The following COL5A3 variants were observed in gnomAD, a reference collection of about 807,000 sequenced individuals.
COL5A3 encodes collagen alpha-3(V) chain.
In COL5A3, 172 loss-of-function variants were observed where a neutral mutation model predicts 250.0. The observed-to-expected ratio is 0.69, with a 90% CI of 0.61 to 0.78. The LOEUF is 0.78. Among genes scored for constraint, COL5A3 ranks in the 30% least tolerant of loss-of-function variants. COL5A3 has a pLI of 0.00. For missense variants in COL5A3, 2,340 were observed against 2,334.4 expected (o/e 1.00, Z -0.05); for synonymous variants, 937 against 900.4 (o/e 1.04, Z -0.73).
At position 9,969,632 on chromosome 19, in the gene COL5A3, AG is replaced by A. The variant is rs2086800639; in HGVS notation, c.4040del (p.Ala1347ValfsTer46). On this transcript the variant is annotated frameshift_variant, in exon 56 of 67. Transcript: ENST00000264828. LOFTEE classifies it high-confidence loss of function. ...GCCCCACACGTCCAGGGGGCCCTCTAGCCCCCATTGGACCCGTCCTCCCTGG... is the reference window on the plus strand; with the variant it reads ...GCCCCACACGTCCAGGGGGCCCTCTACCCCCATTGGACCCGTCCTCCCTGG... The part of the protein sequence containing the change: ...GPPGRTGPMG[A>X]RGPPGRVGPE... 1 of 1,595,040 alleles carries A rather than the reference AG, an allele frequency of 6.3e-7. No individual in the cohort carries two copies. The highest frequency in any genetic ancestry group is 8.5e-7 in the Non-Finnish European group (1 of 1,175,290).
intron 45 of COL5A3, among the ~76,000 whole-genome samples, chr19:9,976,269 G>C (rs1485498441): frequency 5.3e-5 from 8 of 151,694 alleles, no homozygotes; most frequent in Admixed American, 4.6e-4. Flanking sequence ...CCGAATTTGG[G>C]ATTGGGTTCA....
intron 11 of COL5A3, 198 bp downstream of exon 11, chr19:9,997,173 C>T (rs1267699450): frequency 6.6e-6 from 4 of 607,952 alleles, no homozygotes; most frequent in African/African-American, 3.7e-5. Context: ...AGAAGAAAAG[C>T]AAAGAGTAGG....
chr19:9,981,699 A>G (rs542894792), intron 32 of COL5A3, among the ~76,000 whole-genome samples: 5 of 152,226 alleles, frequency 3.3e-5, no homozygotes, highest in Non-Finnish European at 7.3e-5. Context: ...ATGTGTATAC[A>G]CATGTCCTTT....
Position 9,992,899 on chromosome 19 carries a change from A to G in COL5A3, c.1795-19T>C. 1.2e-6 allele frequency: 2 copies of G among 1,613,520 alleles called. No individual in the cohort carries two copies. ...GTGGACCCTGCAAGGGAGCAGGCGA[A>G]TTATTTCCACATCACCTCTGTGTGG... On this transcript the variant is annotated intron_variant, in intron 20 of 66. Coordinates refer to ENST00000264828, the MANE Select transcript of COL5A3 (RefSeq NM_015719.4).
At chr19:10,001,409 A>AAAG in intron 8 of COL5A3, 115 bp downstream of exon 8, 1 of 1,063,822 alleles carries the variant, frequency 9.4e-7, no homozygotes, top group East Asian at 2.6e-5. Context: ...GGTCTCCCAA[A>AAAG]GTGTTCGGAT....
chr19:9,982,201 G>T, intron 31 of COL5A3, 83 bp from the exon 32 acceptor site: 1 of 894,502 alleles, frequency 1.1e-6, no homozygotes, highest in Non-Finnish European at 1.7e-6. Context: ...ATCCTTTGAG[G>T]CATTTCCAGG....
Position 9,970,394 on chromosome 19 carries a change from AGTGGGGTCTGTGGGGTGAGTG to A in COL5A3, c.3936+207_3936+227del, listed in dbSNP as rs2086822048. The stretch of plus-strand genomic sequence containing the variant: ...TGGGGTAAGCGGGGGCTGTGGGGTG[AGTGGGGTCTGTGGGGTGAGTG>A]GGGGCTGTAAGGTGAGTGGGGTCTG... On this transcript the variant is annotated intron_variant, in intron 54 of 66. Coordinates refer to ENST00000264828, the MANE Select transcript of COL5A3 (RefSeq NM_015719.4). Among the ~76,000 whole-genome samples the A allele has an allele frequency of 1.5e-4, 8 of 54,974 alleles. No homozygotes were observed. In the Admixed American group the frequency reaches 1.6e-3, roughly 11 times the overall value. 36.1% of individuals were successfully genotyped at this position (54,974 alleles called of 152,430 possible).
Position 9,984,473 on chromosome 19 carries a change from G to A in COL5A3, c.2406+1369C>T, listed in dbSNP as rs79735782. Among the ~76,000 whole-genome samples the A allele has an allele frequency of 9.6e-3, 1,459 of 152,210 alleles. 26 individuals carry two copies. Among genetic ancestry groups the A allele is most frequent in the East Asian group, 0.078 (403 of 5,190 alleles). ...AAATGTTATGTTTTCATATAAGTAC[G>A]TTTTTGCATAAGTACATTTGACTAT... On this transcript the variant is annotated intron_variant, in intron 31 of 66. Transcript: ENST00000264828.
chr19:9,994,931 T>G (rs2087247911), intron 16 of COL5A3, among the ~76,000 whole-genome samples: 1 of 152,052 alleles, frequency 6.6e-6, no homozygotes. Flanking sequence ...ATTATTATTA[T>G]TTTTTGAGAC....
At chr19:9,960,618 C>T (rs774689465) in intron 66 of COL5A3, 33 bp downstream of exon 66, 11 of 1,613,642 alleles carry the variant, frequency 6.8e-6, no homozygotes, top group Non-Finnish European at 9.3e-6. Flanking sequence ...TCTTGCCTCC[C>T]CTCTCTAGCT....
At chr19:9,969,985 G>T in intron 54 of COL5A3, 63 bp from the exon 55 acceptor site, 1 of 1,389,420 alleles carries the variant, frequency 7.2e-7, no homozygotes, top group Non-Finnish European at 1.0e-6. Context: ...GGGTGAGTGG[G>T]GTCTGGGTGA....
chr19:10,005,681 C>T lies in COL5A3; in HGVS notation c.471G>A (p.Glu157=), dbSNP rs2087431308. ...WHRVAVSIDG[E]MVTLVADCEA... ...CACAGTCAGCTACCAGGGTCACCAT[C>T]TCACCATCTATGCTGACGGCCACAC... Residue 157 remains glutamate (E), a synonymous_variant, in exon 4 of 67, where the codon GAG becomes GAA. Transcript: ENST00000264828. The T allele has an allele frequency of 6.2e-7, 1 of 1,613,280 alleles. No individual in the cohort carries two copies.
rs866467987 is a variant in COL5A3 at position 9,973,926 on chromosome 19, C to T, written c.3551G>A (p.Gly1184Glu). ...CCCCCCAAGAGTTCTCACCTCTGAT[C>T]CAGTGGGGCCTTGGGGACCCCGAGG... is the stretch of plus-strand genomic sequence containing the variant. ...PGPRGPQGPT[G>E]SEGTPGLPGG... is the part of the protein sequence containing the mutation. Residue 1184 changes from glycine (G) to glutamate (E), a missense_variant, in exon 48 of 67, where the codon GGA (glycine) becomes GAA (glutamate). By Grantham distance (98) the Gly-to-Glu change is moderately conservative. Coordinates refer to ENST00000264828, the MANE Select transcript of COL5A3 (RefSeq NM_015719.4). 6.4e-7 allele frequency: 1 copy of T among 1,565,878 alleles called. No homozygotes were observed. The highest frequency in any genetic ancestry group is 8.7e-7 in the Non-Finnish European group (1 of 1,154,626).
chr19:9,969,998 G>A, intron 54 of COL5A3, 76 bp from the exon 55 acceptor site: 1 of 1,110,372 alleles, frequency 9.0e-7, no homozygotes, highest in Non-Finnish European at 1.3e-6. Context: ...CTGGGTGACT[G>A]GGGGGTTATG....
At chr19:9,983,529 GA>G (rs71188871) in intron 31 of COL5A3, among the ~76,000 whole-genome samples, 46 of 95,244 alleles carry the variant, frequency 4.8e-4, no homozygotes, top group African/African-American at 1.9e-3. Context: ...CAAAAAGAAA[GA>G]AGAAAGAAAG....
At position 9,974,386 on chromosome 19, in the gene COL5A3, C is replaced by A. The variant is rs111357806; in HGVS notation, c.3365G>T (p.Arg1122Leu). 1.9e-6 allele frequency: 3 copies of A among 1,606,308 alleles called. No homozygotes were observed. Among genetic ancestry groups the A allele is most frequent in the African/African-American group, 1.3e-5 (1 of 74,654 alleles). Reference sequence around the variant, plus strand: ...CCCAAAGAGGCCTGGGGGTCCCCGGCGCCCCTGAGCCCCGTCTGCTCCCTG... The same window carrying A: ...CCCAAAGAGGCCTGGGGGTCCCCGGAGCCCCTGAGCCCCGTCTGCTCCCTG... Reference protein sequence around the residue: ...GPPGADGAQGRRGPPGLFGQK... With the variant: ...GPPGADGAQGLRGPPGLFGQK... The change falls in exon 46 of 67, where the codon CGC becomes CTC. Residue 1122 changes from arginine (R) to leucine (L), a missense_variant. Transcript: ENST00000264828.
At position 9,979,484 on chromosome 19, in the gene COL5A3, G is replaced by A. The variant is rs145615870; in HGVS notation, c.2713-67C>T. ...AAGGGATGGAGGAGCAGGAGACAGG[G>A]AAGGCCTGATAGGATCAGGAATCTG... On this transcript the variant is annotated intron_variant, in intron 37 of 66. Coordinates refer to ENST00000264828, the MANE Select transcript of COL5A3 (RefSeq NM_015719.4). 2.8e-4 allele frequency: 429 copies of A among 1,548,230 alleles called. No homozygotes were observed. In the African/African-American group the frequency reaches 5.4e-3, roughly 20 times the overall value.
chr19:9,991,420 G>A (rs2145119875), intron 24 of COL5A3, among the ~76,000 whole-genome samples, 190 bp downstream of exon 24: 1 of 152,278 alleles, frequency 6.6e-6, no homozygotes, highest in East Asian at 1.9e-4. Context: ...GCTAGCCTTG[G>A]TGGGTTTCTG....
rs918304318 is a variant in COL5A3 at position 9,979,186 on chromosome 19, A to T, written c.2820T>A (p.Pro940=). 1.2e-6 allele frequency: 2 copies of T among 1,603,202 alleles called. No individual in the cohort carries two copies. Among genetic ancestry groups the T allele is most frequent in the African/African-American group, 2.7e-5 (2 of 73,864 alleles). Residue 940 remains proline (P), a synonymous_variant, in exon 39 of 67, where the codon CCT becomes CCA. Coordinates refer to ENST00000264828, the MANE Select transcript of COL5A3 (RefSeq NM_015719.4). ...PLGERGPPGP[P]GPPGEQGLPG... ...GAAGACCTTGTTCACCAGGAGGTCC[A>T]GGGGGGCCTGGAGGCCCCCTTTCAC...
Sources: gnomAD v4.1 joint callset for allele counts (sites outside exome capture counted in the v4.1 genomes callset) on GRCh38, gnomAD v4.1.1 for gene constraint, MANE v1.5 for transcripts, NCBI Gene and HGNC (gene_info 2026-07-23, HGNC 2026-07-21) for gene names.